Variants in BMPR1B observed in about 807,000 individuals in gnomAD.
BMPR1B encodes the protein bone morphogenetic protein receptor type 1B, also known as bone morphogenetic protein receptor type-1B.
In BMPR1B, 12 loss-of-function variants were observed where a neutral mutation model predicts 59.1. The ratio of observed to expected loss-of-function variants is 0.20; its 90% CI spans 0.13 to 0.33. BMPR1B has a LOEUF of 0.33. BMPR1B is among the 10% of genes least tolerant of loss of function. The pLI, the probability that BMPR1B is intolerant of heterozygous loss-of-function variation, is 1.00. For missense variants in BMPR1B, 550 were observed against 610.9 expected (o/e 0.90, Z 1.05); for synonymous variants, 237 against 207.3 (o/e 1.14, Z -1.23).
chr4:94,979,828 C>T (rs867557451), intron 2 of BMPR1B, among the ~76,000 whole-genome samples: 2 of 152,316 alleles, frequency 1.3e-5, no homozygotes, highest in Middle Eastern at 3.4e-3. Context: ...ATATGTGGGC[C>T]ACGTGTGCTT....
chr4:94,986,767 C>G (rs941387146), intron 2 of BMPR1B, among the ~76,000 whole-genome samples: 1 of 151,874 alleles, frequency 6.6e-6, no homozygotes, highest in Admixed American at 6.6e-5. Context: ...ATGGTCCGGG[C>G]GCAGTGGCTC....
intron 3 of BMPR1B, among the ~76,000 whole-genome samples, chr4:95,020,499 A>G (rs1723900468): frequency 6.6e-6 from 1 of 151,422 alleles, no homozygotes; most frequent in Non-Finnish European, 1.5e-5. Flanking sequence ...GAATTGCTTG[A>G]ACCCGGGAGG....
rs576434862 is a variant in BMPR1B at position 94,884,518 on chromosome 4, T to A, written c.-113+8618T>A. 5.0e-4 allele frequency among the ~76,000 whole-genome samples: 75 copies of A among 151,084 alleles called. 1 individual carries two copies. The highest frequency in any genetic ancestry group is 1.8e-3 in the African/African-American group (72 of 40,590). ...TCCAGCCTGGGAGACAGAGCGAGACTCTGTCTCAAAAAAAACAAAAAGCTG... is the reference window on the plus strand; with the variant it reads ...TCCAGCCTGGGAGACAGAGCGAGACACTGTCTCAAAAAAAACAAAAAGCTG... On this transcript the variant is annotated intron_variant, in intron 2 of 12. Coordinates refer to ENST00000515059, the MANE Select transcript of BMPR1B (RefSeq NM_001203.3).
At chr4:95,119,309 C>G (rs1732303384) in intron 6 of BMPR1B, among the ~76,000 whole-genome samples, 1 of 152,110 alleles carries the variant, frequency 6.6e-6, no homozygotes, top group Admixed American at 6.6e-5. Flanking sequence ...TTGGATGCTT[C>G]TATCTGTATA....
At chr4:94,970,238 T>TC (rs1201120202) in intron 2 of BMPR1B, among the ~76,000 whole-genome samples, 9 of 145,294 alleles carry the variant, frequency 6.2e-5, no homozygotes, top group South Asian at 2.3e-4. Flanking sequence ...GCTGTTTGTT[T>TC]TTCTTCTCTT....
chr4:94,959,492 G>C (rs1730275172), intron 2 of BMPR1B, among the ~76,000 whole-genome samples: 1 of 152,170 alleles, frequency 6.6e-6, no homozygotes, highest in Non-Finnish European at 1.5e-5. Context: ...GCATTTTGCA[G>C]AGATTCCTCA....
intron 2 of BMPR1B, among the ~76,000 whole-genome samples, chr4:94,941,050 T>C (rs184513960): frequency 6.6e-6 from 1 of 152,350 alleles, no homozygotes; most frequent in Admixed American, 6.5e-5. Flanking sequence ...AAACAGCCTG[T>C]GAAATTCAAC....
chr4:95,087,657 G>A (rs1051536906), intron 3 of BMPR1B, among the ~76,000 whole-genome samples: 2 of 152,106 alleles, frequency 1.3e-5, no homozygotes, highest in African/African-American at 2.4e-5. Flanking sequence ...ACTTAAGCAC[G>A]GGAGATTGAG....
rs891497112 is a variant in BMPR1B, at chr4:95,083,564, T to C, written c.-17-20844T>C. 2.6e-5 allele frequency among the ~76,000 whole-genome samples: 4 copies of C among 152,256 alleles called. No individual in the cohort carries two copies. In the East Asian group the frequency reaches 7.7e-4, roughly 29 times the overall value. ...AAAAAAGCGAAAGGAACTGGAAATA[T>C]TTGGAACAGGAAAGTGCTTATGATA... On this transcript the variant is annotated intron_variant, in intron 3 of 12. Coordinates refer to ENST00000515059, the MANE Select transcript of BMPR1B (RefSeq NM_001203.3).
intron 6 of BMPR1B, among the ~76,000 whole-genome samples, chr4:95,117,563 G>A (rs74564032): frequency 0.014 from 2,117 of 151,902 alleles, 21 homozygotes; most frequent in South Asian, 0.022. Flanking sequence ...TGGGAAGATC[G>A]CCTGGGCCCA....
chr4:94,987,028 C>T (rs564838986), intron 2 of BMPR1B, among the ~76,000 whole-genome samples: 1 of 91,208 alleles, frequency 1.1e-5, no homozygotes, highest in Non-Finnish European at 2.2e-5. Context: ...GCGACAGAGC[C>T]AGACTCTGTC....
At chr4:95,086,502 T>TA (rs1457486840) in intron 3 of BMPR1B, among the ~76,000 whole-genome samples, 1 of 152,190 alleles carries the variant, frequency 6.6e-6, no homozygotes, top group African/African-American at 2.4e-5. Context: ...GACAAAAACT[T>TA]ACATGTGTTG....
At chr4:94,802,743 CATTT>C (rs1382632435) in intron 1 of BMPR1B, among the ~76,000 whole-genome samples, 1 of 152,110 alleles carries the variant, frequency 6.6e-6, no homozygotes, top group Non-Finnish European at 1.5e-5. Flanking sequence ...TAATAAGGCT[CATTT>C]ATTCATTGCT....
intron 1 of BMPR1B, among the ~76,000 whole-genome samples, chr4:94,829,747 G>A (rs1724508286): frequency 1.3e-5 from 2 of 152,170 alleles, no homozygotes; most frequent in South Asian, 4.1e-4. Flanking sequence ...GGAAGTCCAA[G>A]GTGCTAAGGG....
At chr4:95,058,221 T>A (rs1727076484) in intron 3 of BMPR1B, among the ~76,000 whole-genome samples, 1 of 152,224 alleles carries the variant, frequency 6.6e-6, no homozygotes, top group South Asian at 2.1e-4. Flanking sequence ...TATACATCGT[T>A]CATTCAATCA....
intron 2 of BMPR1B, among the ~76,000 whole-genome samples, chr4:94,978,911 C>A (rs893035443): frequency 6.6e-6 from 1 of 151,458 alleles, no homozygotes; most frequent in Non-Finnish European, 1.5e-5. Flanking sequence ...AAAGGCACAC[C>A]TTACATGGTG....
At chr4:94,764,303 T>G (rs1721883279) in intron 1 of BMPR1B, among the ~76,000 whole-genome samples, 1 of 152,158 alleles carries the variant, frequency 6.6e-6, no homozygotes, top group African/African-American at 2.4e-5. Flanking sequence ...AGGGTATTTA[T>G]TTCCTTGGCT....
At chr4:95,080,983 TC>T (rs1482841213) in intron 3 of BMPR1B, among the ~76,000 whole-genome samples, 1 of 152,164 alleles carries the variant, frequency 6.6e-6, no homozygotes, top group Non-Finnish European at 1.5e-5. Context: ...GAAATGTACT[TC>T]CCATAATCCC....
intron 3 of BMPR1B, among the ~76,000 whole-genome samples, chr4:95,074,354 C>T (rs946549974): frequency 5.9e-5 from 9 of 152,044 alleles, no homozygotes; most frequent in Admixed American, 1.3e-4. Context: ...GTGCCTGGAA[C>T]GCTGGTTTTG....
Sources: gnomAD v4.1 joint callset for allele counts (sites outside exome capture counted in the v4.1 genomes callset) on GRCh38, gnomAD v4.1.1 for gene constraint, MANE v1.5 for transcripts, NCBI Gene and HGNC (gene_info 2026-07-23, HGNC 2026-07-21) for gene names.